The following PCDH15 variants were observed in gnomAD, a reference collection of about 807,000 sequenced individuals.
PCDH15 encodes the protein protocadherin-15.
Under a neutral mutation model 178.5 loss-of-function variants are expected in PCDH15, and 129 were observed. The observed-to-expected ratio is 0.72, with a 90% confidence interval of 0.63 to 0.84. The LOEUF is 0.84. Ranked by LOEUF, PCDH15 falls within the 40% of genes least tolerant of loss-of-function variation. The pLI, the probability that PCDH15 is intolerant of heterozygous loss-of-function variation, is 0.00. For missense variants in PCDH15, 2,230 were observed against 2,099.9 expected, an observed-to-expected ratio of 1.06 and a Z score of -1.21; for synonymous variants, 800 against 732.0, an observed-to-expected ratio of 1.09 and a Z score of -1.50.
rs1400635119 is a variant in PCDH15 at position 53,805,445 on chromosome 10, T to TA, written c.*1133dup. On this transcript the variant is annotated 3_prime_UTR_variant, in exon 38 of 38. Transcript: ENST00000644397. ...TGAAACACTGTGCTTTGTTCAATGG[T>TA]AAAAAATCAAGACCATGTTCTTTGA... 1 of 152,048 alleles carries TA rather than the reference T, an allele frequency of 6.6e-6. No homozygotes were observed. The highest frequency in any genetic ancestry group is 2.4e-5 in the African/African-American group (1 of 41,414). The allele number at this position is 152,048 out of a possible 1,614,324, so 9.4% of individuals were successfully genotyped here.
chr10:55,146,232 C>T (rs747257134), intron 2 of PCDH15, among the ~76,000 whole-genome samples: 12 of 151,968 alleles, frequency 7.9e-5, no homozygotes, highest in Admixed American at 4.6e-4. Flanking sequence ...CGCCAAATGA[C>T]TCATAATTGG....
chr10:54,873,122 A>G (rs937637377), intron 3 of PCDH15, among the ~76,000 whole-genome samples: 1 of 152,180 alleles, frequency 6.6e-6, no homozygotes, highest in African/African-American at 2.4e-5. Flanking sequence ...TTTTGGTGTT[A>G]TAAGTGCTGC....
intron 2 of PCDH15, chr10:54,528,466 G>A (rs2083576793): frequency 7.8e-7 from 1 of 1,288,486 alleles, no homozygotes; most frequent in Non-Finnish European, 1.1e-6. Context: ...AAGAAAGGAA[G>A]AGAGAATATA....
intron 21 of PCDH15, among the ~76,000 whole-genome samples, chr10:53,964,033 C>A (rs1237301384): frequency 1.3e-5 from 2 of 152,192 alleles, no homozygotes; most frequent in East Asian, 3.9e-4. Flanking sequence ...CCCTTTCACA[C>A]ATTTTCCTTG....
chr10:55,619,595 G>A (rs1427432633), intron 2 of PCDH15, among the ~76,000 whole-genome samples: 1 of 151,902 alleles, frequency 6.6e-6, no homozygotes, highest in Admixed American at 6.6e-5. Context: ...GTAAAGTTAC[G>A]AGAATCAAAT....
intron 2 of PCDH15, among the ~76,000 whole-genome samples, chr10:55,426,497 T>A (rs1838759976): frequency 6.6e-6 from 1 of 152,138 alleles, no homozygotes; most frequent in African/African-American, 2.4e-5. Context: ...TGCAGCAGCA[T>A]CTGTGGGGGT....
chr10:55,361,387 T>C (rs978283936), intron 2 of PCDH15, among the ~76,000 whole-genome samples: 5 of 152,058 alleles, frequency 3.3e-5, no homozygotes. Flanking sequence ...AATCAAATCA[T>C]AGCTAGCCAT....
intron 2 of PCDH15, among the ~76,000 whole-genome samples, chr10:54,959,081 A>G (rs992091069): frequency 6.6e-6 from 1 of 151,832 alleles, no homozygotes; most frequent in Non-Finnish European, 1.5e-5. Flanking sequence ...CACTGGGTAA[A>G]TGAAAATCCA....
chr10:54,150,907 A>G (rs865924205), intron 14 of PCDH15, among the ~76,000 whole-genome samples: 3 of 151,720 alleles, frequency 2.0e-5, no homozygotes, highest in Admixed American at 6.6e-5. Flanking sequence ...CAAGAGAAAA[A>G]AATTATGTCC....
chr10:53,886,521 TGTA>T (rs1383352653), intron 26 of PCDH15, among the ~76,000 whole-genome samples: 1 of 152,062 alleles, frequency 6.6e-6, no homozygotes, highest in Non-Finnish European at 1.5e-5. Context: ...AAAATGTTCT[TGTA>T]GTAATTCCTA....
At chr10:54,433,925 T>C (rs1205824672) in intron 3 of PCDH15, among the ~76,000 whole-genome samples, 1 of 152,176 alleles carries the variant, frequency 6.6e-6, no homozygotes, top group Non-Finnish European at 1.5e-5. Context: ...GAAGGCATTG[T>C]TATTATAGGA....
At chr10:55,378,518 G>T (rs527735509) in intron 2 of PCDH15, among the ~76,000 whole-genome samples, 1 of 152,164 alleles carries the variant, frequency 6.6e-6, no homozygotes, top group African/African-American at 2.4e-5. Context: ...GTACTGAAGG[G>T]ATATGCTTAA....
intron 2 of PCDH15, among the ~76,000 whole-genome samples, chr10:55,113,039 CT>C (rs1355332296): frequency 1.3e-5 from 2 of 152,144 alleles, no homozygotes; most frequent in Non-Finnish European, 2.9e-5. Context: ...GAACTTGGAA[CT>C]GCATGGCATC....
intron 2 of PCDH15, among the ~76,000 whole-genome samples, chr10:55,007,502 G>A (rs148078397): frequency 5.9e-4 from 90 of 152,290 alleles, no homozygotes; most frequent in African/African-American, 2.0e-3. Context: ...TGTTTAACAT[G>A]AATTTAACAG....
chr10:54,913,455 C>A (rs1954851671), intron 2 of PCDH15, among the ~76,000 whole-genome samples: 1 of 152,164 alleles, frequency 6.6e-6, no homozygotes, highest in Non-Finnish European at 1.5e-5. Flanking sequence ...ATGAAAACAC[C>A]TGGATGTCCA....
chr10:53,807,959 A>T (rs2075718176), intron 37 of PCDH15: 1 of 152,158 alleles, frequency 6.6e-6, no homozygotes, highest in African/African-American at 2.4e-5. Flanking sequence ...TTTTTGGAAT[A>T]TGTGAACTAT....
intron 13 of PCDH15, among the ~76,000 whole-genome samples, chr10:54,169,103 G>C (rs1417167960): frequency 6.6e-6 from 1 of 151,674 alleles, no homozygotes; most frequent in Non-Finnish European, 1.5e-5. Context: ...CGTCCCATCT[G>C]TGTGGGACCC....
At chr10:54,430,440 A>C (rs543586266) in intron 3 of PCDH15, among the ~76,000 whole-genome samples, 1 of 152,228 alleles carries the variant, frequency 6.6e-6, no homozygotes, top group African/African-American at 2.4e-5. Flanking sequence ...TAAAACATTC[A>C]AAAAAATTGA....
At chr10:54,553,805 G>A (rs117236917) in intron 2 of PCDH15, among the ~76,000 whole-genome samples, 1,619 of 151,902 alleles carry the variant, frequency 0.011, 3 homozygotes, top group Non-Finnish European at 0.016. Context: ...TATCGAGGCT[G>A]GGATTAAAAA....
Sources: allele counts gnomAD v4.1 joint callset (sites outside exome capture counted in the v4.1 genomes callset), GRCh38; gene constraint gnomAD v4.1.1; transcripts MANE v1.5; gene names NCBI Gene and HGNC (gene_info 2026-07-23, HGNC 2026-07-21).